MCTP2: variants seen among roughly 807,000 people sequenced by gnomAD.
The protein encoded by MCTP2 is multiple C2 and transmembrane domain containing 2, also known as multiple C2 and transmembrane domain-containing protein 2.
MCTP2 carries 132 observed loss-of-function variants against 111.6 expected under a neutral mutation model. The ratio of observed to expected loss-of-function variants is 1.18; its 90% CI spans 1.03 to 1.37. The LOEUF is 1.37. MCTP2 is among the 40% of genes most tolerant of loss of function. The pLI is 0.00. For missense variants in MCTP2, 1,183 were observed against 1,067.9 expected, an observed-to-expected ratio of 1.11 and a Z score of -1.50; for synonymous variants, 395 against 387.7, an observed-to-expected ratio of 1.02 and a Z score of -0.22.
At chr15:94,474,916 T>C (rs1343443388) in intron 21 of MCTP2, among the ~76,000 whole-genome samples, 9 of 152,026 alleles carry the variant, frequency 5.9e-5, no homozygotes, top group Non-Finnish European at 1.2e-4. Context: ...TTTGCCCTCA[T>C]TGGTGCATTT....
intron 17 of MCTP2, among the ~76,000 whole-genome samples, chr15:94,426,120 CAGAGAGAGAGAGAGAGAGATTGAGAGAG>C (rs1014404869): frequency 1.5e-5 from 2 of 129,094 alleles, no homozygotes; most frequent in African/African-American, 3.0e-5. Context: ...TCTGAGATGC[CAGAGAGAGAGAGAGAGAGATTGAGAGAG>C]AGAGAGAGAG....
At position 94,481,163 on chromosome 15, in the gene MCTP2, G is replaced by C. The variant is rs769606665; in HGVS notation, c.*2129G>C. ...AGTAGGGATGTTGAAGTCTTGCCAA[G>C]TTTTCCTGGTTCCCTTCTCAAACTT... On this transcript the variant is annotated 3_prime_UTR_variant, in exon 23 of 23. Coordinates refer to ENST00000357742, the MANE Select transcript of MCTP2 (RefSeq NM_001385001.1). The C allele has an allele frequency of 1.3e-5, 2 of 152,140 alleles. No individual in the cohort carries two copies. The highest frequency in any genetic ancestry group is 2.9e-5 in the Non-Finnish European group (2 of 68,022). 9.4% of individuals were successfully genotyped at this position (152,140 alleles called of 1,614,324 possible). A position where few individuals can be genotyped will look rare whatever the true frequency, so the allele number is the denominator to read the frequency against.
At position 94,244,935 on chromosome 15, in the gene MCTP2, CACAT is replaced by C. The variant is rs1230874233; in HGVS notation, c.-66+13277_-66+13280del. Among the ~76,000 whole-genome samples the C allele has an allele frequency of 4.4e-5, 6 of 136,368 alleles. 1 individual carries two copies. The South Asian group carries it at 6.6e-4, about 15-fold the overall frequency. 89.5% of individuals were successfully genotyped at this position (136,368 alleles called of 152,430 possible). A position where few individuals can be genotyped will look rare whatever the true frequency, so the allele number is the denominator to read the frequency against. On this transcript the variant is annotated intron_variant, in intron 1 of 22. Coordinates refer to ENST00000357742, the MANE Select transcript of MCTP2 (RefSeq NM_001385001.1). ...CTATGTTTATATACGTATATGTATA[CACAT>C]ACATATGCACCTGTTTATATACGTA... is the stretch of plus-strand genomic sequence containing the variant.
At chr15:94,398,891 T>C in intron 14 of MCTP2, 70 bp from the exon 15 acceptor site, 1 of 908,654 alleles carries the variant, frequency 1.1e-6, no homozygotes, top group East Asian at 2.4e-5. Flanking sequence ...CCAAAGTTAG[T>C]TTTGGTTATT....
chr15:94,357,212 C>T (rs561526410), intron 9 of MCTP2, among the ~76,000 whole-genome samples: 1 of 152,286 alleles, frequency 6.6e-6, no homozygotes, highest in Non-Finnish European at 1.5e-5. Context: ...ATGTCATCTA[C>T]TCTAGCACAA....
intron 19 of MCTP2, among the ~76,000 whole-genome samples, chr15:94,453,337 A>T (rs1296441485): frequency 6.6e-6 from 1 of 152,196 alleles, no homozygotes; most frequent in Non-Finnish European, 1.5e-5. Context: ...CCAGCTTTAA[A>T]GGAAAGCTTC....
In MCTP2 at chr15:94,481,494, C is replaced by A. The variant is rs1309061175; in HGVS notation, c.*2460C>A. On this transcript the variant is annotated 3_prime_UTR_variant, in exon 23 of 23. Coordinates refer to ENST00000357742, the MANE Select transcript of MCTP2 (RefSeq NM_001385001.1). The stretch of plus-strand genomic sequence containing the variant: ...ACCACCCAAGTGGAGGCCTTCATAA[C>A]CTCTCAGACGTCACGGCCATGATGC... 1.3e-5 allele frequency: 2 copies of A among 152,300 alleles called. No individual in the cohort carries two copies. The highest frequency in any genetic ancestry group is 4.8e-5 in the African/African-American group (2 of 41,468). 9.4% of individuals were successfully genotyped at this position (152,300 alleles called of 1,614,324 possible). A position where few individuals can be genotyped will look rare whatever the true frequency, so the allele number is the denominator to read the frequency against.
At chr15:94,402,122 C>T in intron 17 of MCTP2, 103 bp downstream of exon 17, 1 of 1,428,926 alleles carries the variant, frequency 7.0e-7, no homozygotes, top group Non-Finnish European at 9.4e-7. Flanking sequence ...GGTTGTCTTT[C>T]TAAGACAGTA....
At chr15:94,317,458 A>G (rs1344488282) in intron 4 of MCTP2, among the ~76,000 whole-genome samples, 1 of 152,126 alleles carries the variant, frequency 6.6e-6, no homozygotes, top group Non-Finnish European at 1.5e-5. Flanking sequence ...CGCCTGTGCT[A>G]TCTGCTTCTG....
chr15:94,442,931 A>T lies in MCTP2; in HGVS notation c.2221A>T (p.Ile741Leu). The T allele has an allele frequency of 6.2e-7, 1 of 1,613,696 alleles. No homozygotes were observed. The highest frequency in any genetic ancestry group is 8.5e-7 in the Non-Finnish European group (1 of 1,179,762). Reference sequence around the variant, plus strand: ...GATTTCCTTTCAGGAGAGCACAGACATAGATGACGAGGAGGATGAAGATGA... The same window carrying T: ...GATTTCCTTTCAGGAGAGCACAGACTTAGATGACGAGGAGGATGAAGATGA... ...SIQDSQESTDIDDEEDEDDKE... is the reference protein window; with the variant it reads ...SIQDSQESTDLDDEEDEDDKE... Residue 741 changes from isoleucine (I) to leucine (L), a missense_variant, in exon 19 of 23, where the codon ATA (isoleucine) becomes TTA (leucine). Coordinates refer to ENST00000357742, the MANE Select transcript of MCTP2 (RefSeq NM_001385001.1).
chr15:94,270,792 T>C (rs1177460470), intron 1 of MCTP2, among the ~76,000 whole-genome samples: 2 of 152,256 alleles, frequency 1.3e-5, no homozygotes, highest in African/African-American at 4.8e-5. Flanking sequence ...GATGCTTGGC[T>C]GTCCACAGCC....
intron 12 of MCTP2, among the ~76,000 whole-genome samples, chr15:94,371,426 C>A (rs187036353): frequency 5.0e-4 from 76 of 152,312 alleles, no homozygotes; most frequent in African/African-American, 1.7e-3. Flanking sequence ...CCCTAAAGCA[C>A]ATTTAGAATT....
At chr15:94,314,870 A>C in intron 3 of MCTP2, 1 of 437,460 alleles carries the variant, frequency 2.3e-6, no homozygotes, top group Non-Finnish European at 4.6e-6. Flanking sequence ...GGAAGGTGAG[A>C]CTGTGAGGAT....
At chr15:94,390,098 A>ATATATGTATATATATATG (rs2080842514) in intron 14 of MCTP2, among the ~76,000 whole-genome samples, 5 of 34,412 alleles carry the variant, frequency 1.5e-4, no homozygotes, top group African/African-American at 2.6e-4. Flanking sequence ...ATGTATATAT[A>ATATATGTATATATATATG]TATATATATA....
chr15:94,357,405 G>C (rs186749613), intron 9 of MCTP2, among the ~76,000 whole-genome samples: 1 of 152,290 alleles, frequency 6.6e-6, no homozygotes. Flanking sequence ...CCAGGGTCAG[G>C]CTAAGGATTT....
In MCTP2 at chr15:94,400,709, A is replaced by G. The variant is rs544890247; in HGVS notation, c.1965+714A>G. On this transcript the variant is annotated intron_variant, in intron 16 of 22. Transcript: ENST00000357742. ...ACTTTGTACCTATCGTCCCTCTTCA[A>G]TTGTATAACAAAGAACAAAGTGTCC... 2.0e-5 allele frequency among the ~76,000 whole-genome samples: 3 copies of G among 151,280 alleles called. No homozygotes were observed. The South Asian group carries it at 6.3e-4, about 32-fold the overall frequency.
chr15:94,435,605 TA>T (rs1457973869), intron 17 of MCTP2, among the ~76,000 whole-genome samples: 2 of 150,418 alleles, frequency 1.3e-5, no homozygotes, highest in African/African-American at 2.4e-5. Flanking sequence ...TGTCATCTGC[TA>T]AAAAAGTTGT....
chr15:94,272,777 G>A (rs2073976695), intron 1 of MCTP2, among the ~76,000 whole-genome samples: 2 of 151,836 alleles, frequency 1.3e-5, no homozygotes, highest in East Asian at 1.9e-4. Flanking sequence ...TCCTTTGCAA[G>A]TTTATGCTGC....
At chr15:94,443,130 AT>A in intron 19 of MCTP2, among the ~76,000 whole-genome samples, 170 bp downstream of exon 19, 1 of 150,532 alleles carries the variant, frequency 6.6e-6, no homozygotes, top group Admixed American at 6.6e-5. Flanking sequence ...CCTTTTTAAG[AT>A]TTTTAAAAAT....
Sources: allele counts gnomAD v4.1 joint callset (sites outside exome capture counted in the v4.1 genomes callset), GRCh38; gene constraint gnomAD v4.1.1; transcripts MANE v1.5; gene names NCBI Gene and HGNC (gene_info 2026-07-23, HGNC 2026-07-21).